ADCY2: variants seen among roughly 807,000 people sequenced by gnomAD.
ADCY2 encodes the protein adenylate cyclase type 2.
ADCY2 carries 31 observed loss-of-function variants against 125.2 expected under a neutral mutation model. That is an observed-to-expected ratio of 0.25 (90% CI 0.19 to 0.33). The LOEUF is 0.33. ADCY2 is among the 10% of genes least tolerant of loss of function. The probability of loss-of-function intolerance (pLI) is 1.00; values close to 1 mark genes in which losing one functional copy is unlikely to be tolerated. For missense variants in ADCY2, 904 were observed against 1,418.2 expected, an observed-to-expected ratio of 0.64 and a Z score of 5.82; for synonymous variants, 512 against 548.4, an observed-to-expected ratio of 0.93 and a Z score of 0.93.
At chr5:7,594,058 T>C (rs1736929708) in intron 3 of ADCY2, among the ~76,000 whole-genome samples, 1 of 152,134 alleles carries the variant, frequency 6.6e-6, no homozygotes, top group Non-Finnish European at 1.5e-5. Flanking sequence ...GGAAGTGTGT[T>C]AAAGGCGCTG....
At chr5:7,458,248 A>T (rs1217440416) in intron 2 of ADCY2, among the ~76,000 whole-genome samples, 1 of 152,218 alleles carries the variant, frequency 6.6e-6, no homozygotes, top group African/African-American at 2.4e-5. Flanking sequence ...TGGACCAAAA[A>T]ATAATAGAGT....
At chr5:7,520,925 G>T in intron 3 of ADCY2, 26 bp downstream of exon 3, 1 of 1,612,320 alleles carries the variant, frequency 6.2e-7, no homozygotes, top group South Asian at 1.1e-5. Flanking sequence ...CATCCATGGA[G>T]AATGACTTTC....
At chr5:7,433,137 C>T (rs555013197) in intron 2 of ADCY2, among the ~76,000 whole-genome samples, 1 of 152,138 alleles carries the variant, frequency 6.6e-6, no homozygotes, top group Non-Finnish European at 1.5e-5. Context: ...AGGCTGGAAA[C>T]CACTGCTTCT....
At chr5:7,429,346 C>A (rs2126371132) in intron 2 of ADCY2, among the ~76,000 whole-genome samples, 1 of 152,246 alleles carries the variant, frequency 6.6e-6, no homozygotes, top group Non-Finnish European at 1.5e-5. Context: ...TTCTCAATAA[C>A]TGCTGAGACA....
chr5:7,402,427 G>T (rs1435662338), intron 1 of ADCY2, among the ~76,000 whole-genome samples: 1 of 152,218 alleles, frequency 6.6e-6, no homozygotes, highest in Non-Finnish European at 1.5e-5. Context: ...GGCAATGTTA[G>T]ACATAGTTCC....
chr5:7,506,970 G>C (rs1009970860), intron 2 of ADCY2, among the ~76,000 whole-genome samples: 4 of 149,708 alleles, frequency 2.7e-5, no homozygotes, highest in Non-Finnish European at 5.9e-5. Context: ...TGTATTTTTA[G>C]TACAGACGGG....
intron 3 of ADCY2, among the ~76,000 whole-genome samples, chr5:7,615,608 A>C (rs1737729469): frequency 6.6e-6 from 1 of 152,170 alleles, no homozygotes; most frequent in Non-Finnish European, 1.5e-5. Flanking sequence ...TTACTTCATC[A>C]AAACTTTAGT....
rs1212108861 is a variant in ADCY2 at position 7,507,653 on chromosome 5, T to C, written c.409-13085T>C. Among the ~76,000 whole-genome samples the C allele has an allele frequency of 4.6e-5, 7 of 152,106 alleles. No individual in the cohort carries two copies. In the East Asian group the frequency reaches 1.3e-3, roughly 29 times the overall value. On this transcript the variant is annotated intron_variant, in intron 2 of 24. Transcript: ENST00000338316. ...CCAAATAAACTTTCTTTCTTTGCATTTGATGAGAAAGGTAATTTTTAAGGA... is the reference window on the plus strand; with the variant it reads ...CCAAATAAACTTTCTTTCTTTGCATCTGATGAGAAAGGTAATTTTTAAGGA...
chr5:7,465,237 A>C (rs1347082785), intron 2 of ADCY2, among the ~76,000 whole-genome samples: 1 of 152,196 alleles, frequency 6.6e-6, no homozygotes, highest in Non-Finnish European at 1.5e-5. Flanking sequence ...TTTCTTTCAT[A>C]TGGTCTCCTT....
rs183517652 is a variant in ADCY2, at chr5:7,729,765, A to G, written c.1871+2504A>G. ...TACTATTAAAGTTCATAGAATATACATCATGTATATCTTTCTTTTAGTGAT... is the reference window on the plus strand; with the variant it reads ...TACTATTAAAGTTCATAGAATATACGTCATGTATATCTTTCTTTTAGTGAT... On this transcript the variant is annotated intron_variant, in intron 14 of 24. Coordinates refer to ENST00000338316, the MANE Select transcript of ADCY2 (RefSeq NM_020546.3). 6.8e-3 allele frequency among the ~76,000 whole-genome samples: 1,016 copies of G among 149,178 alleles called. 5 individuals are homozygous for G. The highest frequency in any genetic ancestry group is 0.011 in the Non-Finnish European group (722 of 67,362).
At chr5:7,418,842 G>T (rs1265538502) in intron 2 of ADCY2, among the ~76,000 whole-genome samples, 2 of 151,750 alleles carry the variant, frequency 1.3e-5, no homozygotes, top group Admixed American at 1.3e-4. Flanking sequence ...TTTTAATAGA[G>T]ACGGGTTTCA....
chr5:7,819,243 C>G (rs540887763), intron 23 of ADCY2, among the ~76,000 whole-genome samples: 3 of 152,294 alleles, frequency 2.0e-5, no homozygotes, highest in East Asian at 3.9e-4. Context: ...TGGCAACACC[C>G]TCACAGACAC....
Position 7,764,896 on chromosome 5 carries a change from A to G in ADCY2, c.2095-1791A>G, listed in dbSNP as rs374407178. Among the ~76,000 whole-genome samples the G allele has an allele frequency of 3.3e-5, 5 of 152,228 alleles. No homozygotes were observed. The East Asian group carries it at 5.8e-4, about 18-fold the overall frequency. ...TTTAAAATGCAAAGAAGACGGAGGA[A>G]GGGAAGCTGATTCAAAATTGTAGTA... On this transcript the variant is annotated intron_variant, in intron 16 of 24. Transcript: ENST00000338316.
chr5:7,507,659 A>G (rs1395063126), intron 2 of ADCY2, among the ~76,000 whole-genome samples: 1 of 152,142 alleles, frequency 6.6e-6, no homozygotes, highest in Non-Finnish European at 1.5e-5. Context: ...GCATTTGATG[A>G]GAAAGGTAAT....
At chr5:7,571,622 GTCAC>G in intron 3 of ADCY2, among the ~76,000 whole-genome samples, 1 of 152,268 alleles carries the variant, frequency 6.6e-6, no homozygotes, top group Middle Eastern at 3.4e-3. Context: ...CCAGAATTGT[GTCAC>G]CCCTCTCAAA....
intron 3 of ADCY2, among the ~76,000 whole-genome samples, chr5:7,559,934 A>G (rs1016760608): frequency 6.6e-6 from 1 of 152,220 alleles, no homozygotes; most frequent in African/African-American, 2.4e-5. Flanking sequence ...CCAAGGAGAT[A>G]GATTTTAGAA....
In ADCY2 at chr5:7,411,846, C is replaced by T. The variant is rs930411495; in HGVS notation, c.211-2727C>T. On this transcript the variant is annotated intron_variant, in intron 1 of 24. Transcript: ENST00000338316. ...ATCCCAGCACTTTGGGAGGCCGAGG[C>T]GGGCGGATCACGAGGTCAGGAGATC... Among the ~76,000 whole-genome samples, 4 of 151,950 alleles carry T rather than the reference C, an allele frequency of 2.6e-5. No individual in the cohort carries two copies. In the East Asian group the frequency reaches 5.8e-4, roughly 22 times the overall value.
At chr5:7,471,461 G>A (rs528066140) in intron 2 of ADCY2, among the ~76,000 whole-genome samples, 232 of 151,804 alleles carry the variant, frequency 1.5e-3, no homozygotes, top group African/African-American at 5.3e-3. Context: ...ATAATTTTAT[G>A]TCCCTTCATA....
chr5:7,488,768 C>G (rs1743040655), intron 2 of ADCY2, among the ~76,000 whole-genome samples: 1 of 152,114 alleles, frequency 6.6e-6, no homozygotes, highest in African/African-American at 2.4e-5. Context: ...CATTCTCGCC[C>G]CTAGATCCCT....
Sources: allele counts gnomAD v4.1 joint callset (sites outside exome capture counted in the v4.1 genomes callset), GRCh38; gene constraint gnomAD v4.1.1; transcripts MANE v1.5; gene names NCBI Gene and HGNC (gene_info 2026-07-23, HGNC 2026-07-21).